CSMD1: variants seen among roughly 807,000 people sequenced by gnomAD.
CSMD1 encodes the protein CUB and sushi domain-containing protein 1.
A neutral mutation model predicts 417.5 loss-of-function variants in CSMD1; 213 were observed. The observed-to-expected ratio is 0.51, with a 90% CI of 0.46 to 0.57. CSMD1 has a LOEUF of 0.57. Among genes scored for constraint, CSMD1 ranks in the 20% least tolerant of loss-of-function variants. CSMD1 has a pLI of 0.00. For synonymous variants in CSMD1, 2,862 were observed against 1,736.8 expected, an observed-to-expected ratio of 1.65 and a Z score of -16.11; for missense variants, 6,923 against 4,529.7, an observed-to-expected ratio of 1.53 and a Z score of -15.17.
intron 1 of CSMD1, among the ~76,000 whole-genome samples, chr8:4,784,670 T>C (rs576088655): frequency 6.6e-6 from 1 of 152,234 alleles, no homozygotes; most frequent in African/African-American, 2.4e-5. Context: ...CAAATATTTT[T>C]GAAAATTCAG....
At chr8:3,843,168 G>C (rs999652174) in intron 5 of CSMD1, among the ~76,000 whole-genome samples, 3 of 152,008 alleles carry the variant, frequency 2.0e-5, no homozygotes, top group Admixed American at 1.3e-4. Flanking sequence ...ATTTTTCACT[G>C]TCATGGCTTG....
At chr8:4,920,477 C>G (rs1806361620) in intron 1 of CSMD1, among the ~76,000 whole-genome samples, 1 of 152,110 alleles carries the variant, frequency 6.6e-6, no homozygotes, top group African/African-American at 2.4e-5. Flanking sequence ...GCAGCAAGAT[C>G]ATTTTTCTCA....
chr8:4,468,653 C>T (rs900462704), intron 2 of CSMD1, among the ~76,000 whole-genome samples: 2 of 152,132 alleles, frequency 1.3e-5, no homozygotes, highest in Non-Finnish European at 2.9e-5. Context: ...CCTACTAAAC[C>T]TAGGTAGATC....
chr8:4,920,428 G>C (rs182101091), intron 1 of CSMD1, among the ~76,000 whole-genome samples: 2 of 152,176 alleles, frequency 1.3e-5, no homozygotes, highest in Non-Finnish European at 2.9e-5. Context: ...TTGAAAATCC[G>C]TTTAATGACA....
At chr8:4,846,942 G>A (rs1242343600) in intron 1 of CSMD1, among the ~76,000 whole-genome samples, 3 of 151,890 alleles carry the variant, frequency 2.0e-5, no homozygotes, top group African/African-American at 4.8e-5. Context: ...TATTCATTGG[G>A]AGAAAAAGAT....
intron 3 of CSMD1, among the ~76,000 whole-genome samples, chr8:4,207,547 T>C (rs373448638): frequency 2.6e-5 from 4 of 152,126 alleles, no homozygotes; most frequent in Admixed American, 6.5e-5. Context: ...TGTCCATCAA[T>C]AGAAAATAAT....
At chr8:4,254,339 A>G (rs775983809) in intron 3 of CSMD1, among the ~76,000 whole-genome samples, 5 of 152,258 alleles carry the variant, frequency 3.3e-5, no homozygotes, top group Admixed American at 6.5e-5. Context: ...TTCTATGGAG[A>G]GTCTGCTTGT....
Position 3,213,899 on chromosome 8 carries a change from C to T in CSMD1, c.4867+598G>A, listed in dbSNP as rs1348368839. On this transcript the variant is annotated intron_variant, in intron 30 of 69. Transcript: ENST00000635120. ...ATGAGATGGAGTCTTGCTCTGTCAC[C>T]CAGGCTGGAGTGCAGTGGCACAATC... Among the ~76,000 whole-genome samples the T allele has an allele frequency of 6.0e-5, 9 of 150,456 alleles. No individual in the cohort carries two copies. The East Asian group carries it at 1.8e-3, about 30-fold the overall frequency.
intron 12 of CSMD1, among the ~76,000 whole-genome samples, chr8:3,451,249 C>T (rs1177271660): frequency 3.3e-5 from 5 of 152,148 alleles, no homozygotes; most frequent in Non-Finnish European, 7.3e-5. Flanking sequence ...CAAAACATTT[C>T]TGCCACTCTG....
At chr8:4,027,987 G>C (rs1797150696) in intron 4 of CSMD1, among the ~76,000 whole-genome samples, 1 of 152,172 alleles carries the variant, frequency 6.6e-6, no homozygotes, top group African/African-American at 2.4e-5. Flanking sequence ...ACTCTCTTAA[G>C]TGAGATCAAT....
intron 3 of CSMD1, among the ~76,000 whole-genome samples, chr8:4,408,706 C>G (rs1237171567): frequency 2.0e-5 from 3 of 152,046 alleles, no homozygotes; most frequent in Non-Finnish European, 4.4e-5. Flanking sequence ...CATAGTTGAC[C>G]AGCTCTCAGA....
At chr8:4,263,125 T>A (rs995935093) in intron 3 of CSMD1, among the ~76,000 whole-genome samples, 7 of 152,162 alleles carry the variant, frequency 4.6e-5, no homozygotes, top group African/African-American at 1.7e-4. Flanking sequence ...GTGGGTGATA[T>A]CACTTATTTT....
intron 3 of CSMD1, among the ~76,000 whole-genome samples, chr8:4,190,732 A>G (rs1390821133): frequency 6.6e-6 from 1 of 152,172 alleles, no homozygotes; most frequent in East Asian, 1.9e-4. Flanking sequence ...CTGAAATCAC[A>G]TGAATGGATA....
At chr8:3,490,396 T>C (rs552473336) in intron 11 of CSMD1, among the ~76,000 whole-genome samples, 1 of 152,338 alleles carries the variant, frequency 6.6e-6, no homozygotes, top group East Asian at 1.9e-4. Context: ...AGATCTTTAA[T>C]AATAACCTAA....
intron 10 of CSMD1, among the ~76,000 whole-genome samples, chr8:3,559,118 G>A (rs1007050933): frequency 1.3e-5 from 2 of 152,178 alleles, no homozygotes; most frequent in Non-Finnish European, 2.9e-5. Flanking sequence ...TGCTATCAAC[G>A]CTGTTGAAAT....
chr8:4,355,655 T>G (rs529182961), intron 3 of CSMD1, among the ~76,000 whole-genome samples: 1 of 152,192 alleles, frequency 6.6e-6, no homozygotes, highest in Non-Finnish European at 1.5e-5. Flanking sequence ...AAAGCAAGCA[T>G]GCTATAAAAC....
At chr8:4,037,340 C>A (rs3860856) in intron 3 of CSMD1, among the ~76,000 whole-genome samples, 22,697 of 152,156 alleles carry the variant, frequency 0.15, 2,415 homozygotes, top group East Asian at 0.39. Flanking sequence ...ACCTACCAAG[C>A]ACTTGAAGTG....
chr8:4,533,430 T>G (rs1277326123), intron 2 of CSMD1, among the ~76,000 whole-genome samples: 1 of 152,234 alleles, frequency 6.6e-6, no homozygotes, highest in African/African-American at 2.4e-5. Context: ...GGACTTTTGC[T>G]GTTAATCTAC....
intron 3 of CSMD1, among the ~76,000 whole-genome samples, chr8:4,095,071 G>C (rs532304918): frequency 6.6e-6 from 1 of 152,198 alleles, no homozygotes; most frequent in Non-Finnish European, 1.5e-5. Context: ...GCTAACAAGA[G>C]CTTGGATTAA....
Sources: gnomAD v4.1 joint callset for allele counts (sites outside exome capture counted in the v4.1 genomes callset) on GRCh38, gnomAD v4.1.1 for gene constraint, MANE v1.5 for transcripts, NCBI Gene and HGNC (gene_info 2026-07-23, HGNC 2026-07-21) for gene names.